TAF1: variants seen among roughly 807,000 people sequenced by gnomAD.
TAF1 encodes transcription initiation factor TFIID subunit 1.
Under a neutral mutation model 138.5 loss-of-function variants are expected in TAF1, and 2 were observed. That is an observed-to-expected ratio of 0.01 (90% CI 0.01 to 0.05). TAF1 has a LOEUF of 0.05. TAF1 is among the 10% of genes least tolerant of loss of function. The probability of loss-of-function intolerance (pLI) is 1.00; values close to 1 mark genes in which losing one functional copy is unlikely to be tolerated. For synonymous variants in TAF1, 437 were observed against 503.2 expected (o/e 0.87, Z 1.76); for missense variants, 709 against 1,478.0 (o/e 0.48, Z 8.53).
intron 34 of TAF1, among the ~76,000 whole-genome samples, chrX:71,457,180 C>T (rs1274469665): frequency 8.9e-6 from 1 of 112,001 alleles, no homozygotes; most frequent in Non-Finnish European, 1.9e-5. Context: ...TCTGTTTCTC[C>T]AAAACCCTCT....
At chrX:71,469,299 T>G (rs753795401), downstream of TAF1, among the ~76,000 whole-genome samples, 5 of 111,414 alleles carry the variant, frequency 4.5e-5, no homozygotes, top group Non-Finnish European at 9.4e-5. Flanking sequence ...GGCCACAAGA[T>G]GAACATGGGA....
chrX:71,528,724 C>T (rs775612899), exon 14 of TAF1: 293 of 327,262 alleles, frequency 9.0e-4, no homozygotes, highest in Non-Finnish European at 1.5e-3. Flanking sequence ...TGGACCTTCG[C>T]GGTGAGTGTT....
intron 22 of TAF1, among the ~76,000 whole-genome samples, chrX:71,395,656 A>G (rs934117419): frequency 8.9e-6 from 1 of 112,103 alleles, no homozygotes; most frequent in African/African-American, 3.2e-5. Context: ...ATGGCTTCTC[A>G]GTCACAGTAG....
intron 13 of TAF1, among the ~76,000 whole-genome samples, chrX:71,488,709 A>G (rs1253728347): frequency 9.0e-6 from 1 of 111,256 alleles, no homozygotes; most frequent in Admixed American, 9.6e-5. Flanking sequence ...GGCTCTGCCT[A>G]TGTTCCTCCT....
At chrX:71,489,616 C>T (rs920109872) in intron 13 of TAF1, among the ~76,000 whole-genome samples, 2 of 107,132 alleles carry the variant, frequency 1.9e-5, no homozygotes, top group South Asian at 4.1e-4. Context: ...GAGGAGGTTG[C>T]GGTGAGCTGA....
intron 37 of TAF1, 86 bp from the exon 38 acceptor site, chrX:71,463,738 G>T: frequency 1.1e-6 from 1 of 926,354 alleles, no homozygotes; most frequent in Admixed American, 2.4e-5. Flanking sequence ...GGTGAGATGG[G>T]CTGATCCTTT....
At chrX:71,400,356 T>A (rs1375423129) in intron 24 of TAF1, among the ~76,000 whole-genome samples, 1 of 111,482 alleles carries the variant, frequency 9.0e-6, no homozygotes. Flanking sequence ...CTCCCAAAGT[T>A]CTGGGATTAC....
chrX:71,468,298 C>T (rs935911573), downstream of TAF1, among the ~76,000 whole-genome samples: 2 of 109,693 alleles, frequency 1.8e-5, no homozygotes, highest in African/African-American at 6.6e-5. Context: ...CTAGTAATGT[C>T]ATTTCTAGAA....
chrX:71,374,572 G>A (rs1013857941), intron 3 of TAF1, among the ~76,000 whole-genome samples: 35 of 110,673 alleles, frequency 3.2e-4, no homozygotes, highest in Non-Finnish European at 6.0e-4. Context: ...TCAGCCTCCT[G>A]AGTAGCTGGT....
chrX:71,378,213 C>G (rs771222570), intron 6 of TAF1, 22 bp from the exon 7 acceptor site: 3 of 1,203,372 alleles, frequency 2.5e-6, no homozygotes, highest in African/African-American at 3.5e-5. Flanking sequence ...TCTCCCTGCT[C>G]TACTTCTTTC....
At chrX:71,378,043 A>T in intron 6 of TAF1, 192 bp from the exon 7 acceptor site, 1 of 591,466 alleles carries the variant, frequency 1.7e-6, no homozygotes, top group Non-Finnish European at 2.6e-6. Flanking sequence ...GTAGATGGTG[A>T]TATGCTGCTG....
At chrX:71,416,124 C>T (rs1227805320) in intron 28 of TAF1, among the ~76,000 whole-genome samples, 1 of 25,389 alleles carries the variant, frequency 3.9e-5, no homozygotes, top group East Asian at 1.1e-3. Context: ...GTGGCTCATG[C>T]CTGTAATCCC....
At position 71,379,051 on chromosome X, in the gene TAF1, G is replaced by A. The variant is rs2033678109; in HGVS notation, c.1360+20G>A. The stretch of plus-strand genomic sequence containing the variant: ...AGCAAGGTGTGCTTCTGTGCCAGCT[G>A]TGTCTAGCAGATACTGCCCTTAATC... On this transcript the variant is annotated intron_variant, in intron 8 of 37. Transcript: ENST00000423759. 1 of 1,186,424 alleles carries A rather than the reference G, an allele frequency of 8.4e-7. No homozygotes were observed.
chrX:71,484,426 G>A (rs757752286), intron 13 of TAF1, among the ~76,000 whole-genome samples: 147 of 108,118 alleles, frequency 1.4e-3, no homozygotes, highest in African/African-American at 4.8e-3. Context: ...TCCGACTCCC[G>A]GGTTCAAGTG....
At position 71,384,040 on chromosome X, in the gene TAF1, G is replaced by A; in HGVS notation, c.2026G>A (p.Asp676Asn). ...CACACCTCAGGACCTCACAGGCAAA[G>A]ATGGTGATCTTATTCTTGCAGAATA... ...MRTPQDLTGKDGDLILAEYSE... is the reference protein window; with the variant it reads ...MRTPQDLTGKNGDLILAEYSE... Residue 676 changes from aspartate (D) to asparagine (N), a missense_variant, in exon 13 of 38, where the codon GAT becomes AAT. Asp to Asn is a conservative substitution (Grantham distance 23, BLOSUM62 1). This residue lies in a region of TAF1 where 201 missense variants were observed against 421.3 expected (regional missense o/e 0.48). Transcript: ENST00000423759. 8.3e-7 allele frequency: 1 copy of A among 1,211,584 alleles called. No homozygotes were observed. The highest frequency in any genetic ancestry group is 1.1e-6 in the Non-Finnish European group (1 of 895,544).
chrX:71,410,186 C>T (rs952169871), intron 28 of TAF1, among the ~76,000 whole-genome samples: 9 of 110,890 alleles, frequency 8.1e-5, no homozygotes, highest in East Asian at 2.8e-4. Context: ...CCACCGCGCC[C>T]GGCCGCATTC....
At chrX:71,493,784 A>G (rs1433276802) in intron 13 of TAF1, among the ~76,000 whole-genome samples, 4 of 111,298 alleles carry the variant, frequency 3.6e-5, no homozygotes, top group Non-Finnish European at 7.5e-5. Context: ...GGAGCTGGAG[A>G]CCAGCCTGGG....
chrX:71,372,219 G>A (rs184769694), intron 3 of TAF1, among the ~76,000 whole-genome samples: 2 of 110,331 alleles, frequency 1.8e-5, no homozygotes, highest in Admixed American at 2.0e-4. Flanking sequence ...ATAACTTGAG[G>A]TCAGGAGTTC....
intron 13 of TAF1, among the ~76,000 whole-genome samples, chrX:71,523,473 C>G (rs2039941575): frequency 9.0e-6 from 1 of 111,603 alleles, no homozygotes; most frequent in African/African-American, 3.3e-5. Context: ...TTGGCAAACA[C>G]TTTTATTTTC....
Sources: allele counts gnomAD v4.1 joint callset (sites outside exome capture counted in the v4.1 genomes callset), GRCh38; gene constraint gnomAD v4.1.1; regional missense constraint gnomAD v4.1.1; transcripts MANE v1.5; gene names NCBI Gene and HGNC (gene_info 2026-07-23, HGNC 2026-07-21).